Variants in SLC5A7 observed in about 807,000 individuals in gnomAD.
SLC5A7 encodes solute carrier family 5 member 7, also known as high affinity choline transporter 1.
SLC5A7 carries 19 observed loss-of-function variants against 55.4 expected under a neutral mutation model. The observed-to-expected ratio is 0.34, with a 90% CI of 0.24 to 0.50. The LOEUF (loss-of-function observed/expected upper bound fraction) is 0.50. Among genes scored for constraint, SLC5A7 ranks in the 20% least tolerant of loss-of-function variants. SLC5A7 has a pLI of 0.98. For synonymous variants in SLC5A7, 265 were observed against 263.7 expected, an observed-to-expected ratio of 1.00 and a Z score of -0.05; for missense variants, 506 against 705.3, an observed-to-expected ratio of 0.72 and a Z score of 3.20.
In SLC5A7 at chr2:107,986,731, G is replaced by A. The variant is rs1677253682; in HGVS notation, c.-84G>A. ...CGGTTCCAGGGGGCGGCGGCCCCGG[G>A]CGGAGCGCTTTCGCGTGCAGCCACC... On this transcript the variant is annotated 5_prime_UTR_variant, in exon 1 of 9. Coordinates refer to ENST00000264047, the MANE Select transcript of SLC5A7 (RefSeq NM_021815.5). The A allele has an allele frequency of 6.6e-6, 1 of 152,540 alleles. No homozygotes were observed. Among genetic ancestry groups the A allele is most frequent in the African/African-American group, 2.4e-5 (1 of 41,454 alleles). The allele number at this position is 152,540 out of a possible 1,614,324, so 9.4% of individuals were successfully genotyped here. A position where few individuals can be genotyped will look rare whatever the true frequency, so the allele number is the denominator to read the frequency against.
chr2:108,012,092 A>T lies in SLC5A7; in HGVS notation c.*1231A>T, dbSNP rs1678349415. 1 of 152,566 alleles carries T rather than the reference A, an allele frequency of 6.6e-6. No homozygotes were observed. Among genetic ancestry groups the T allele is most frequent in the Non-Finnish European group, 1.5e-5 (1 of 68,014 alleles). The allele number at this position is 152,566 out of a possible 1,614,324, so 9.5% of individuals were successfully genotyped here. ...CCATCAATTTTAACATTTGATGTCT[A>T]GATAACATTCATGAGATTGGTCATT... is the stretch of plus-strand genomic sequence containing the variant. On this transcript the variant is annotated 3_prime_UTR_variant, in exon 9 of 9. Coordinates refer to ENST00000264047, the MANE Select transcript of SLC5A7 (RefSeq NM_021815.5).
At chr2:107,998,015 CT>C (rs751757912) in intron 5 of SLC5A7, 29 bp downstream of exon 5, 11 of 1,590,152 alleles carry the variant, frequency 6.9e-6, no homozygotes, top group South Asian at 2.3e-5. Context: ...GATTCTCCTC[CT>C]TTTTTTCTGT....
chr2:107,991,367 C>G (rs1677445634), intron 2 of SLC5A7, among the ~76,000 whole-genome samples: 1 of 152,146 alleles, frequency 6.6e-6, no homozygotes, highest in Non-Finnish European at 1.5e-5. Flanking sequence ...TTACCTTCTT[C>G]TGAGTGCTAG....
At chr2:107,988,645 G>T (rs1677334925) in intron 2 of SLC5A7, among the ~76,000 whole-genome samples, 1 of 152,120 alleles carries the variant, frequency 6.6e-6, no homozygotes, top group Admixed American at 6.5e-5. Flanking sequence ...AGAGGTGGGG[G>T]AATGGGAAGC....
At chr2:107,995,133 G>T (rs181512091) in intron 4 of SLC5A7, among the ~76,000 whole-genome samples, 1 of 152,216 alleles carries the variant, frequency 6.6e-6, no homozygotes, top group South Asian at 2.1e-4. Flanking sequence ...AGTTGGTAGC[G>T]CCTACTACAC....
In SLC5A7 at chr2:108,013,357, C is replaced by T. The variant is rs1244462762; in HGVS notation, c.*2496C>T. 6.6e-6 allele frequency: 1 copy of T among 151,940 alleles called. No individual in the cohort carries two copies. Among genetic ancestry groups the T allele is most frequent in the Non-Finnish European group, 1.5e-5 (1 of 67,960 alleles). The allele number at this position is 151,940 out of a possible 1,614,324, so 9.4% of individuals were successfully genotyped here. On this transcript the variant is annotated 3_prime_UTR_variant, in exon 9 of 9. Coordinates refer to ENST00000264047, the MANE Select transcript of SLC5A7 (RefSeq NM_021815.5). ...AGTTTGTTATTAATCCACAAATATGCTAAATGTTAGCAAGATGATTTTTAA... is the reference window on the plus strand; with the variant it reads ...AGTTTGTTATTAATCCACAAATATGTTAAATGTTAGCAAGATGATTTTTAA...
chr2:107,993,707 A>G (rs1445653857), intron 4 of SLC5A7, among the ~76,000 whole-genome samples: 2 of 152,226 alleles, frequency 1.3e-5, no homozygotes, highest in Admixed American at 1.3e-4. Flanking sequence ...ATGTTATTCT[A>G]AAAGCACTGA....
intron 6 of SLC5A7, 99 bp downstream of exon 6, chr2:108,002,139 G>T: frequency 7.2e-7 from 1 of 1,385,202 alleles, no homozygotes; most frequent in Non-Finnish European, 9.9e-7. Flanking sequence ...TGTGCTTGTG[G>T]GCTCATGGCC....
chr2:108,008,319 C>T (rs1678195831), intron 7 of SLC5A7, 146 bp from the exon 8 acceptor site: 1 of 625,608 alleles, frequency 1.6e-6, no homozygotes, highest in African/African-American at 1.8e-5. Context: ...GACATTTCCA[C>T]TTGACCAGCA....
At chr2:108,006,292 C>T (rs1341092453) in intron 7 of SLC5A7, 90 bp downstream of exon 7, 2 of 1,429,366 alleles carry the variant, frequency 1.4e-6, no homozygotes, top group African/African-American at 1.4e-5. Flanking sequence ...CTTTCCTCCA[C>T]ATAGTGAATT....
chr2:108,005,996 C>G (rs1291980832), intron 6 of SLC5A7, 53 bp from the exon 7 acceptor site: 9 of 1,604,144 alleles, frequency 5.6e-6, no homozygotes, highest in Admixed American at 1.7e-5. Flanking sequence ...CAATAAAACT[C>G]TTTAAAAAAA....
chr2:107,999,534 C>T (rs1176402422), intron 5 of SLC5A7, among the ~76,000 whole-genome samples: 2 of 152,088 alleles, frequency 1.3e-5, no homozygotes, highest in Non-Finnish European at 2.9e-5. Flanking sequence ...AAAATGTAGC[C>T]AAATTGATAA....
rs751532998 is a variant in SLC5A7 at position 108,011,417 on chromosome 2, A to C, written c.*556A>C. 6.6e-6 allele frequency: 1 copy of C among 152,168 alleles called. No homozygotes were observed. The highest frequency in any genetic ancestry group is 1.5e-5 in the Non-Finnish European group (1 of 68,030). 9.4% of individuals were successfully genotyped at this position (152,168 alleles called of 1,614,324 possible). The stretch of plus-strand genomic sequence containing the variant: ...TATGCAATTTGTTATTCTTTTATTA[A>C]TGGCATGTAATATTCTGAGCACGGG... On this transcript the variant is annotated 3_prime_UTR_variant, in exon 9 of 9. Transcript: ENST00000264047.
chr2:107,990,852 C>G (rs763419092), intron 2 of SLC5A7, among the ~76,000 whole-genome samples: 1 of 152,138 alleles, frequency 6.6e-6, no homozygotes, highest in Non-Finnish European at 1.5e-5. Flanking sequence ...TACATTCTAA[C>G]TGTGAGATTT....
chr2:107,989,203 A>T (rs1677353160), intron 2 of SLC5A7, among the ~76,000 whole-genome samples: 1 of 152,242 alleles, frequency 6.6e-6, no homozygotes, highest in South Asian at 2.1e-4. Context: ...ATATTTCATT[A>T]TACAGTCTTA....
chr2:107,997,637 G>A (rs1677718036), intron 4 of SLC5A7, among the ~76,000 whole-genome samples: 1 of 152,068 alleles, frequency 6.6e-6, no homozygotes, highest in South Asian at 2.1e-4. Context: ...AGTAATTTCA[G>A]AAAGAAAAAG....
intron 4 of SLC5A7, among the ~76,000 whole-genome samples, chr2:107,994,584 T>C (rs2104346743): frequency 6.6e-6 from 1 of 151,808 alleles, no homozygotes; most frequent in East Asian, 2.0e-4. Context: ...AGACTCTGTC[T>C]CAAAAAGAAA....
intron 4 of SLC5A7, among the ~76,000 whole-genome samples, chr2:107,997,161 G>A (rs1275449971): frequency 1.3e-5 from 2 of 152,194 alleles, no homozygotes; most frequent in Non-Finnish European, 2.9e-5. Flanking sequence ...ATGTAATGAC[G>A]TTTTGGTCAA....
chr2:107,992,153 T>C lies in SLC5A7; in HGVS notation c.226T>C (p.Tyr76His), dbSNP rs1677475611. 1 of 1,613,794 alleles carries C rather than the reference T, an allele frequency of 6.2e-7. No homozygotes were observed. Reference protein sequence around the residue: ...GYINGTAEAVYVPGYGLAWAQ... With the variant: ...GYINGTAEAVHVPGYGLAWAQ... Reference sequence around the variant, plus strand: ...TATCAATGGCACAGCTGAAGCAGTTTATGTACCAGGTTATGGCCTAGCTTG... The same window carrying C: ...TATCAATGGCACAGCTGAAGCAGTTCATGTACCAGGTTATGGCCTAGCTTG... Residue 76 changes from tyrosine to histidine, a missense_variant, in exon 3 of 9, where the codon TAT becomes CAT. Tyr to His is a moderately conservative substitution (Grantham distance 83, BLOSUM62 2). Coordinates refer to ENST00000264047, the MANE Select transcript of SLC5A7 (RefSeq NM_021815.5).
Sources: allele counts gnomAD v4.1 joint callset (sites outside exome capture counted in the v4.1 genomes callset), GRCh38; gene constraint gnomAD v4.1.1; transcripts MANE v1.5; gene names NCBI Gene and HGNC (gene_info 2026-07-23, HGNC 2026-07-21).